The following SLC6A11 variants were observed in gnomAD, a reference collection of about 807,000 sequenced individuals.
SLC6A11 encodes the protein solute carrier family 6 member 11.
A neutral mutation model predicts 74.8 loss-of-function variants in SLC6A11; 25 were observed. The observed-to-expected ratio is 0.33, with a 90% confidence interval of 0.24 to 0.47. SLC6A11 has a LOEUF of 0.47. Among genes scored for constraint, SLC6A11 ranks in the 20% least tolerant of loss-of-function variants. The pLI is 1.00. For missense variants in SLC6A11, 574 were observed against 837.0 expected (o/e 0.69, Z 3.88); for synonymous variants, 330 against 330.2 (o/e 1.00, Z 0.01).
chr3:10,852,289 C>T (rs995254876), intron 5 of SLC6A11, among the ~76,000 whole-genome samples: 19 of 152,226 alleles, frequency 1.2e-4, no homozygotes, highest in Admixed American at 9.2e-4. Context: ...GCCCCTGCCC[C>T]GGGGCCCTGA....
chr3:10,914,543 C>T (rs928515448), intron 7 of SLC6A11, among the ~76,000 whole-genome samples: 3 of 152,010 alleles, frequency 2.0e-5, no homozygotes, highest in African/African-American at 4.8e-5. Context: ...GCCATCAGGC[C>T]GCCGTGAGTT....
chr3:10,927,406 C>T (rs912568716), intron 9 of SLC6A11, among the ~76,000 whole-genome samples: 10 of 152,216 alleles, frequency 6.6e-5, no homozygotes, highest in African/African-American at 2.4e-4. Flanking sequence ...GCGTGCTGCC[C>T]TTGCTGTGTG....
chr3:10,938,448 G>GT lies in SLC6A11; in HGVS notation c.*47dup. 1 of 1,535,562 alleles carries GT rather than the reference G, an allele frequency of 6.5e-7. No individual in the cohort carries two copies. The highest frequency in any genetic ancestry group is 8.8e-7 in the Non-Finnish European group (1 of 1,132,358). ...GCTCTTCTTCCTTTCTTCCCCCCGT[G>GT]TATGTAAATGAATTCCTGAACCCCA... On this transcript the variant is annotated 3_prime_UTR_variant, in exon 14 of 14. Transcript: ENST00000254488.
intron 5 of SLC6A11, among the ~76,000 whole-genome samples, chr3:10,874,406 C>T (rs114729421): frequency 8.5e-5 from 13 of 152,228 alleles, no homozygotes; most frequent in Admixed American, 2.0e-4. Flanking sequence ...GAGGACAGGC[C>T]GTGTTAGGGG....
intron 10 of SLC6A11, among the ~76,000 whole-genome samples, chr3:10,930,838 GC>G (rs1459098325): frequency 6.6e-6 from 1 of 151,902 alleles, no homozygotes; most frequent in Admixed American, 6.6e-5. Context: ...GTGTTTCATG[GC>G]CCCCAGAGGC....
At chr3:10,902,086 C>CTGTG (rs3836462) in intron 6 of SLC6A11, among the ~76,000 whole-genome samples, 4 of 150,364 alleles carry the variant, frequency 2.7e-5, no homozygotes, top group African/African-American at 4.9e-5. Context: ...GTGTGTGGGT[C>CTGTG]TGTGTGTGTG....
At chr3:10,831,045 T>C (rs754968967) in intron 4 of SLC6A11, among the ~76,000 whole-genome samples, 5 of 152,174 alleles carry the variant, frequency 3.3e-5, no homozygotes, top group Admixed American at 1.3e-4. Context: ...CTGAAGGGAA[T>C]AAGAGAATGG....
At chr3:10,880,159 G>T (rs1232091107) in intron 6 of SLC6A11, among the ~76,000 whole-genome samples, 2 of 152,184 alleles carry the variant, frequency 1.3e-5, no homozygotes, top group Non-Finnish European at 2.9e-5. Context: ...AGCTCCCAAA[G>T]TTAGGAAGAG....
At chr3:10,888,058 A>G (rs1322415808) in intron 6 of SLC6A11, among the ~76,000 whole-genome samples, 2 of 152,228 alleles carry the variant, frequency 1.3e-5, no homozygotes, top group Non-Finnish European at 2.9e-5. Flanking sequence ...AAGATTACTC[A>G]GATAAGAGAG....
At chr3:10,904,454 C>G (rs1286983523) in intron 6 of SLC6A11, among the ~76,000 whole-genome samples, 2 of 152,212 alleles carry the variant, frequency 1.3e-5, no homozygotes, top group Admixed American at 1.3e-4. Flanking sequence ...TGTGGACCGC[C>G]CACAGCTGCA....
intron 8 of SLC6A11, among the ~76,000 whole-genome samples, chr3:10,920,603 C>T (rs1256290924): frequency 6.6e-6 from 1 of 152,212 alleles, no homozygotes; most frequent in Non-Finnish European, 1.5e-5. Context: ...TGAAATGCTC[C>T]TGGCACCTCT....
At chr3:10,844,420 A>AGG in intron 5 of SLC6A11, 74 bp downstream of exon 5, 1 of 1,584,084 alleles carries the variant, frequency 6.3e-7, no homozygotes, top group Non-Finnish European at 8.7e-7. Flanking sequence ...AGAGAGTAAC[A>AGG]GGGAGTTCAT....
chr3:10,930,306 A>T (rs1272800383), intron 10 of SLC6A11, among the ~76,000 whole-genome samples: 1 of 151,830 alleles, frequency 6.6e-6, no homozygotes, highest in African/African-American at 2.4e-5. Flanking sequence ...ACCACGATCT[A>T]TGGTCCACCT....
At chr3:10,886,603 T>C (rs1369985718) in intron 6 of SLC6A11, among the ~76,000 whole-genome samples, 6 of 152,302 alleles carry the variant, frequency 3.9e-5, no homozygotes, top group Admixed American at 6.5e-5. Flanking sequence ...GGTCAGGAAT[T>C]CCGGACCAGC....
At chr3:10,819,285 T>C (rs948336154) in intron 1 of SLC6A11, among the ~76,000 whole-genome samples, 180 bp from the exon 2 acceptor site, 2 of 152,196 alleles carry the variant, frequency 1.3e-5, no homozygotes, top group African/African-American at 2.4e-5. Context: ...GACTTGGAGA[T>C]GTGAGGTAGA....
chr3:10,925,895 G>C (rs1695598334), intron 8 of SLC6A11, 109 bp from the exon 9 acceptor site: 1 of 682,686 alleles, frequency 1.5e-6, no homozygotes, highest in Non-Finnish European at 2.6e-6. Flanking sequence ...GTGAGAGGCA[G>C]GCACAGTGCC....
chr3:10,933,343 G>A, intron 11 of SLC6A11, 90 bp downstream of exon 11: 1 of 892,824 alleles, frequency 1.1e-6, no homozygotes, highest in South Asian at 1.3e-5. Context: ...CTGGTTCTCT[G>A]TGGCTTATCT....
At chr3:10,929,156 A>C in intron 9 of SLC6A11, 46 bp from the exon 10 acceptor site, 1 of 1,603,536 alleles carries the variant, frequency 6.2e-7, no homozygotes, top group South Asian at 1.1e-5. Context: ...GGCCACCAGG[A>C]GCAGCCTTGT....
chr3:10,883,067 G>T (rs551472250), intron 6 of SLC6A11, among the ~76,000 whole-genome samples: 11 of 152,150 alleles, frequency 7.2e-5, no homozygotes, highest in Non-Finnish European at 1.5e-4. Context: ...GCGGGGAGGT[G>T]GGGGGGCGCT....
Sources: allele counts gnomAD v4.1 joint callset (sites outside exome capture counted in the v4.1 genomes callset), GRCh38; gene constraint gnomAD v4.1.1; transcripts MANE v1.5; gene names NCBI Gene and HGNC (gene_info 2026-07-23, HGNC 2026-07-21).